Variants in PAX2 observed in about 807,000 individuals in gnomAD.
The protein encoded by PAX2 is paired box 2, also known as paired box protein Pax-2.
A neutral mutation model predicts 41.7 loss-of-function variants in PAX2; 9 were observed. That is an observed-to-expected ratio of 0.22 (90% CI 0.13 to 0.38). The LOEUF is 0.38. Among genes scored for constraint, PAX2 ranks in the 10% least tolerant of loss-of-function variants. PAX2 has a pLI of 1.00. For synonymous variants in PAX2, 221 were observed against 212.7 expected (o/e 1.04, Z -0.34); for missense variants, 418 against 531.6 (o/e 0.79, Z 2.10).
At chr10:100,749,717 T>C (rs1423374827) in intron 1 of PAX2, 29 bp from the exon 2 acceptor site, 2 of 1,599,156 alleles carry the variant, frequency 1.3e-6, no homozygotes, top group African/African-American at 1.3e-5. Flanking sequence ...GTGTGTGGGG[T>C]GTTGTGTTTT....
At chr10:100,770,595 C>G (rs543282872) in intron 3 of PAX2, among the ~76,000 whole-genome samples, 1 of 152,390 alleles carries the variant, frequency 6.6e-6, no homozygotes, top group South Asian at 2.1e-4. Flanking sequence ...CATGGCCCAT[C>G]TAGCCTGGTA....
rs996929642 is a variant in PAX2, at chr10:100,748,789, G to A, written c.44-957G>A. ...GCCCGAGCCGCTCGGTTTCCTGGGGGGGCTGCCGAGGTCTGAGGGGTCAAA... is the reference window on the plus strand; with the variant it reads ...GCCCGAGCCGCTCGGTTTCCTGGGGAGGCTGCCGAGGTCTGAGGGGTCAAA... On this transcript the variant is annotated intron_variant, in intron 1 of 9. Transcript: ENST00000355243. The surrounding 1 kb of genome is among the most constrained non-coding windows in gnomAD (Gnocchi z 5.0). 6 of 985,420 alleles carry A rather than the reference G, an allele frequency of 6.1e-6. No homozygotes were observed. Among genetic ancestry groups the A allele is most frequent in the African/African-American group, 1.7e-5 (1 of 57,248 alleles). The allele number at this position is 985,420 out of a possible 1,614,324, so 61.0% of individuals were successfully genotyped here. A position where few individuals can be genotyped will look rare whatever the true frequency, so the allele number is the denominator to read the frequency against.
At chr10:100,776,235 G>A (rs1302565335) in intron 3 of PAX2, among the ~76,000 whole-genome samples, 10 of 152,102 alleles carry the variant, frequency 6.6e-5, no homozygotes. Flanking sequence ...TCCGTTTACT[G>A]CCCTGCCTCC....
chr10:100,796,294 C>T (rs1048136890), intron 5 of PAX2, among the ~76,000 whole-genome samples: 12 of 152,140 alleles, frequency 7.9e-5, no homozygotes, highest in Non-Finnish European at 1.8e-4. Flanking sequence ...AAAAATTGAA[C>T]AATACCATAT....
intron 5 of PAX2, among the ~76,000 whole-genome samples, chr10:100,805,524 A>C (rs1041250813): frequency 6.6e-6 from 1 of 152,168 alleles, no homozygotes; most frequent in African/African-American, 2.4e-5. Flanking sequence ...AACTCCAAGG[A>C]ACCGACGCTG....
intron 3 of PAX2, among the ~76,000 whole-genome samples, chr10:100,753,495 C>T (rs1410985199): frequency 6.6e-6 from 1 of 152,242 alleles, no homozygotes; most frequent in African/African-American, 2.4e-5. Flanking sequence ...TTCTCACTCA[C>T]TGTAGGAAGA....
At chr10:100,759,341 T>G (rs894428750) in intron 3 of PAX2, among the ~76,000 whole-genome samples, 2 of 152,196 alleles carry the variant, frequency 1.3e-5, no homozygotes, top group African/African-American at 4.8e-5. Context: ...GCTGGAGCTA[T>G]GCAGCCCTTT....
chr10:100,808,818 C>T (rs1847889148), intron 6 of PAX2, among the ~76,000 whole-genome samples: 1 of 152,160 alleles, frequency 6.6e-6, no homozygotes, highest in African/African-American at 2.4e-5. Context: ...CCCACTACTA[C>T]ACCCTACCCG....
In PAX2 at chr10:100,826,360, G is replaced by C. The variant is rs1848564750; in HGVS notation, c.1022-649G>C. On this transcript the variant is annotated intron_variant, in intron 8 of 9. Transcript: ENST00000355243. This position sits in a 1 kb window ranked among gnomAD's most constrained non-coding sequence, Gnocchi z 5.5. ...GGCCTTTCTCCCGCAGAGGGAGGGA[G>C]GTAGCTTCCGACGACGGCTCCCAAC... Among the ~76,000 whole-genome samples the C allele has an allele frequency of 6.6e-6, 1 of 152,184 alleles. No homozygotes were observed.
chr10:100,800,391 G>A (rs1053958773), intron 5 of PAX2, among the ~76,000 whole-genome samples: 3 of 146,182 alleles, frequency 2.1e-5, no homozygotes, highest in Non-Finnish European at 3.0e-5. Context: ...CAATACTCCC[G>A]CCTCAGCCTC....
chr10:100,745,985 G>T lies in PAX2; in HGVS notation c.-276G>T, dbSNP rs1291622547. 1 of 1,333,488 alleles carries T rather than the reference G, an allele frequency of 7.5e-7. No homozygotes were observed. Among genetic ancestry groups the T allele is most frequent in the African/African-American group, 1.6e-5 (1 of 64,058 alleles). 82.6% of individuals were successfully genotyped at this position (1,333,488 alleles called of 1,614,324 possible). A position where few individuals can be genotyped will look rare whatever the true frequency, so the allele number is the denominator to read the frequency against. On this transcript the variant is annotated 5_prime_UTR_variant, in exon 1 of 10. Coordinates refer to ENST00000355243, the MANE Select transcript of PAX2 (RefSeq NM_000278.5). ...ATGCGCCCCCAGTGCACCCCGGCCCGGCCCACCGCCCCGGGGCCATTCTGC... is the reference window on the plus strand; with the variant it reads ...ATGCGCCCCCAGTGCACCCCGGCCCTGCCCACCGCCCCGGGGCCATTCTGC...
chr10:100,744,170 G>A (rs1845061351), upstream of PAX2, among the ~76,000 whole-genome samples: 1 of 152,336 alleles, frequency 6.6e-6, no homozygotes, highest in Non-Finnish European at 1.5e-5. Flanking sequence ...CCAGGCTCCG[G>A]CCAGAGGGAG....
Position 100,782,563 on chromosome 10 carries a change from C to T in PAX2, c.616+1198C>T, listed in dbSNP as rs987382446. On this transcript the variant is annotated intron_variant, in intron 5 of 9. Transcript: ENST00000355243. ...AGAGTGGGAGAGGCCAGGCCCCCAG[C>T]GGAAGGGACAGCGTGGAGGGGAGGC... 3.3e-5 allele frequency among the ~76,000 whole-genome samples: 5 copies of T among 152,244 alleles called. No individual in the cohort carries two copies. The South Asian group carries it at 6.2e-4, about 19-fold the overall frequency.
intron 5 of PAX2, among the ~76,000 whole-genome samples, chr10:100,789,346 TCCAC>T (rs1251002210): frequency 2.6e-5 from 4 of 152,184 alleles, no homozygotes; most frequent in Non-Finnish European, 5.9e-5. Flanking sequence ...CCTCAGGTGA[TCCAC>T]CCACCTCAGC....
At chr10:100,778,985 C>T (rs1177081514) in intron 3 of PAX2, among the ~76,000 whole-genome samples, 3 of 152,194 alleles carry the variant, frequency 2.0e-5, no homozygotes, top group Non-Finnish European at 4.4e-5. Flanking sequence ...CCCTCCCTGG[C>T]TACTTCTCAT....
At position 100,828,896 on chromosome 10, in the gene PAX2, C is replaced by T. The variant is rs1848680218; in HGVS notation, c.*1277C>T. Reference sequence around the variant, plus strand: ...GTGTGTGTCGTGTGAAGGCGAAACCCGGTGTACATAACCCCTCCCCCTCCG... The same window carrying T: ...GTGTGTGTCGTGTGAAGGCGAAACCTGGTGTACATAACCCCTCCCCCTCCG... On this transcript the variant is annotated 3_prime_UTR_variant, in exon 10 of 10. Transcript: ENST00000355243. The surrounding 1 kb of genome is among the most constrained non-coding windows in gnomAD (Gnocchi z 6.5). 1 of 230,760 alleles carries T rather than the reference C, an allele frequency of 4.3e-6. No individual in the cohort carries two copies. Among genetic ancestry groups the T allele is most frequent in the African/African-American group, 2.2e-5 (1 of 45,220 alleles). The allele number at this position is 230,760 out of a possible 1,614,324, so 14.3% of individuals were successfully genotyped here.
chr10:100,740,666 G>A (rs948661186), upstream of PAX2, among the ~76,000 whole-genome samples: 1 of 152,230 alleles, frequency 6.6e-6, no homozygotes, highest in Non-Finnish European at 1.5e-5. Context: ...CAAGACAGGC[G>A]TAATTATCCC....
At chr10:100,780,411 T>C (rs941182668) in intron 4 of PAX2, among the ~76,000 whole-genome samples, 2 of 152,218 alleles carry the variant, frequency 1.3e-5, no homozygotes, top group African/African-American at 4.8e-5. Context: ...GGTTACATTT[T>C]TCCTGCTGCT....
chr10:100,787,533 A>T (rs1315386752), intron 5 of PAX2, among the ~76,000 whole-genome samples: 2 of 152,144 alleles, frequency 1.3e-5, no homozygotes, highest in Non-Finnish European at 2.9e-5. Context: ...GGCAAGGTGA[A>T]AGAAAATTGC....
Sources: gnomAD v4.1 joint callset for allele counts (sites outside exome capture counted in the v4.1 genomes callset) on GRCh38, gnomAD v4.1.1 for gene constraint, Gnocchi (gnomAD v3.1) non-coding constraint, MANE v1.5 for transcripts, NCBI Gene and HGNC (gene_info 2026-07-23, HGNC 2026-07-21) for gene names.